Variants in FBN3 observed in about 807,000 individuals in gnomAD.
FBN3 encodes fibrillin 3, also known as fibrillin-3.
In FBN3, 234 loss-of-function variants were observed where a neutral mutation model predicts 330.1. The observed-to-expected ratio is 0.71, with a 90% CI of 0.64 to 0.79. The LOEUF (loss-of-function observed/expected upper bound fraction) is 0.79. Among genes scored for constraint, FBN3 ranks in the 30% least tolerant of loss-of-function variants. The pLI, the probability that FBN3 is intolerant of heterozygous loss-of-function variation, is 0.00. For synonymous variants in FBN3, 1,458 were observed against 1,517.3 expected (o/e 0.96, Z 0.91); for missense variants, 3,606 against 3,886.9 (o/e 0.93, Z 1.92).
chr19:8,101,980 G>A (rs2082336579), intron 40 of FBN3, among the ~76,000 whole-genome samples: 2 of 152,192 alleles, frequency 1.3e-5, no homozygotes, highest in Admixed American at 1.3e-4. Context: ...TCACGGGAGG[G>A]ACCCGGTGGG....
At chr19:8,095,687 T>G (rs763888410) in intron 45 of FBN3, among the ~76,000 whole-genome samples, 184 bp from the exon 46 acceptor site, 1 of 152,220 alleles carries the variant, frequency 6.6e-6, no homozygotes, top group Non-Finnish European at 1.5e-5. Context: ...TTTTCTAATA[T>G]AACCATGTAA....
At chr19:8,086,387 GC>G in intron 54 of FBN3, 62 bp from the exon 55 acceptor site, 1 of 1,316,158 alleles carries the variant, frequency 7.6e-7, no homozygotes. Context: ...CTCTCCCACA[GC>G]CCCAAAGGGC....
At chr19:8,083,187 G>C (rs2081847038) in intron 57 of FBN3, 60 bp downstream of exon 57, 2 of 1,601,158 alleles carry the variant, frequency 1.2e-6, no homozygotes, top group Non-Finnish European at 1.7e-6. Context: ...TTGAGTTCAG[G>C]GGCTGCACAG....
rs62126077 is a variant in FBN3 at position 8,102,706 on chromosome 19, T to C, written c.5089+18A>G. On this transcript the variant is annotated intron_variant, in intron 40 of 63. Transcript: ENST00000600128. ...AGGAGGGGCCAGGCTGGGAAGAAGGTTGGGGAGGGTTACTCACGACTGATG... is the reference window on the plus strand; with the variant it reads ...AGGAGGGGCCAGGCTGGGAAGAAGGCTGGGGAGGGTTACTCACGACTGATG... 204,847 of 1,604,104 alleles carry C rather than the reference T, an allele frequency of 0.13. 14,664 individuals are homozygous for C. The highest frequency in any genetic ancestry group is 0.26 in the East Asian group (11,608 of 44,584).
chr19:8,138,567 G>A lies in FBN3; in HGVS notation c.866-3C>T, dbSNP rs757899505. 2 of 1,602,850 alleles carry A rather than the reference G, an allele frequency of 1.2e-6. No homozygotes were observed. The highest frequency in any genetic ancestry group is 1.1e-5 in the South Asian group (1 of 89,962). Reference sequence around the variant, plus strand: ...GAAGCAGGCGCCGGCCCGGTAGTCTGCAAAAGATCAGAGGGTGAGCCCATG... The same window carrying A: ...GAAGCAGGCGCCGGCCCGGTAGTCTACAAAAGATCAGAGGGTGAGCCCATG... On this transcript the variant is annotated splice_polypyrimidine_tract_variant and splice_region_variant and intron_variant, in intron 8 of 63. Coordinates refer to ENST00000600128, the MANE Select transcript of FBN3 (RefSeq NM_032447.5).
In FBN3 at chr19:8,083,308, G is replaced by A. The variant is rs765797602; in HGVS notation, c.7152C>T (p.Gly2384=). ...CGGCCTGACAGTGGCAGCGGAAGGA[G>A]CCAAGGCTGTTGATGCACTCCCCAT... ...CAHGECINSL[G]SFRCHCQAGY... The change falls in exon 57 of 64, where the codon GGC becomes GGT. Residue 2384 remains glycine (G), a synonymous_variant. Transcript: ENST00000600128. The A allele has an allele frequency of 6.2e-7, 1 of 1,614,146 alleles. No homozygotes were observed. Among genetic ancestry groups the A allele is most frequent in the Non-Finnish European group, 8.5e-7 (1 of 1,180,018 alleles).
In FBN3 at chr19:8,111,178, C is replaced by T; in HGVS notation, c.4090G>A (p.Asp1364Asn). The change falls in exon 33 of 64, where the codon GAT (aspartate) becomes AAT (asparagine). Residue 1364 changes from aspartate to asparagine, a missense_variant. Transcript: ENST00000600128. The part of the protein sequence containing the change: ...AGDGFFCEDR[D>N]ECAENVDLCD... Reference sequence around the variant, plus strand: ...AGGTCCACGTTCTCGGCACATTCATCCCTGTCTGAGGGGCCCCAAGATTCG... The same window carrying T: ...AGGTCCACGTTCTCGGCACATTCATTCCTGTCTGAGGGGCCCCAAGATTCG... 1 of 1,597,758 alleles carries T rather than the reference C, an allele frequency of 6.3e-7. No individual in the cohort carries two copies.
intron 51 of FBN3, among the ~76,000 whole-genome samples, chr19:8,088,712 T>C (rs746780382): frequency 3.0e-4 from 46 of 151,908 alleles, no homozygotes; most frequent in Non-Finnish European, 6.0e-4. Flanking sequence ...AATAAGTGAG[T>C]GAAAGCATGA....
chr19:8,085,617 T>TG, intron 55 of FBN3, 48 bp from the exon 56 acceptor site: 1 of 1,421,654 alleles, frequency 7.0e-7, no homozygotes, highest in Non-Finnish European at 9.4e-7. Context: ...GAGGCTGGTT[T>TG]GGGGGCAAAG....
Position 8,088,073 on chromosome 19 carries a change from C to T in FBN3, c.6483G>A (p.Met2161Ile). Residue 2161 changes from methionine to isoleucine, a missense_variant, in exon 52 of 64, where the codon ATG becomes ATA. Transcript: ENST00000600128. ...GCAGAGTTGTACCCTCGCAGGTCAT[C>T]ATGAGGCCAGGCTCAAAGCCGTCAG... The part of the protein sequence containing the change: ...ACADGFEPGL[M>I]MTCEDIDECS... 1 of 1,614,122 alleles carries T rather than the reference C, an allele frequency of 6.2e-7. No individual in the cohort carries two copies. The highest frequency in any genetic ancestry group is 8.5e-7 in the Non-Finnish European group (1 of 1,180,032).
At chr19:8,133,188 C>T (rs2083191773) in intron 13 of FBN3, 82 bp from the exon 14 acceptor site, 1 of 1,452,326 alleles carries the variant, frequency 6.9e-7, no homozygotes, top group Non-Finnish European at 9.1e-7. Context: ...CCAGGGCTGA[C>T]CCCCCAGGAT....
Position 8,089,610 on chromosome 19 carries a change from T to C in FBN3, c.6311A>G (p.Asp2104Gly). 1 of 1,614,194 alleles carries C rather than the reference T, an allele frequency of 6.2e-7. No individual in the cohort carries two copies. The highest frequency in any genetic ancestry group is 2.2e-5 in the East Asian group (1 of 44,880). ...GGGACACTCACAGCGGAAGGATCCA[T>C]CGGTGTTGACACAGACGCCGTTAGT... ...VCTNGVCVNT[D>G]GSFRCECPFG... The change falls in exon 51 of 64, where the codon GAT becomes GGT. Residue 2104 changes from aspartate to glycine, a missense_variant. Physicochemically the swap from Asp to Gly is moderately conservative, Grantham distance 94 (BLOSUM62 -1). Transcript: ENST00000600128.
chr19:8,138,818 G>A lies in FBN3; in HGVS notation c.866-254C>T, dbSNP rs148737258. On this transcript the variant is annotated intron_variant, in intron 8 of 63. Coordinates refer to ENST00000600128, the MANE Select transcript of FBN3 (RefSeq NM_032447.5). ...TCCCAGCACTTTGGGAGGCTGGGGCGGGAGGATCTCTTAAGGTCAGGAGTG... is the reference window on the plus strand; with the variant it reads ...TCCCAGCACTTTGGGAGGCTGGGGCAGGAGGATCTCTTAAGGTCAGGAGTG... 1.7e-3 allele frequency among the ~76,000 whole-genome samples: 265 copies of A among 152,048 alleles called. 2 individuals are homozygous for A. Among genetic ancestry groups the A allele is most frequent in the East Asian group, 0.011 (57 of 5,172 alleles).
rs1358040822 is a variant in FBN3 at position 8,086,461 on chromosome 19, T to TATC, written c.6755-137_6755-136insGAT. The TATC allele has an allele frequency of 2.2e-4, 64 of 286,686 alleles. 1 individual carries two copies. Among genetic ancestry groups the TATC allele is most frequent in the African/African-American group, 1.5e-3 (59 of 38,264 alleles). 17.8% of individuals were successfully genotyped at this position (286,686 alleles called of 1,614,324 possible). A position where few individuals can be genotyped will look rare whatever the true frequency, so the allele number is the denominator to read the frequency against. On this transcript the variant is annotated intron_variant, in intron 54 of 63. Transcript: ENST00000600128. ...TTTTATTTATTTTTATTATTATTAT[T>TATC]ATTATTATTTTTTGAGACAGAGTCT...
chr19:8,102,034 G>A (rs557842373), intron 40 of FBN3, among the ~76,000 whole-genome samples: 9 of 152,146 alleles, frequency 5.9e-5, no homozygotes, highest in African/African-American at 1.2e-4. Flanking sequence ...TGCTATTCTC[G>A]TGATAGTGAA....
rs1402989412 is a variant in FBN3 at position 8,086,228 on chromosome 19, C to T, written c.6852G>A (p.Gln2284=). Residue 2284 remains glutamine (Q), a synonymous_variant, in exon 55 of 64, where the codon CAG becomes CAA. Transcript: ENST00000600128. ...GGCACTCGGTAAGGGTGGGGCTGGGCTGGAATCCCTCATCACAGTCGCACC... is the reference window on the plus strand; with the variant it reads ...GGCACTCGGTAAGGGTGGGGCTGGGTTGGAATCCCTCATCACAGTCGCACC... ...SFRCDCDEGF[Q]PSPTLTECHD... 1 of 1,608,264 alleles carries T rather than the reference C, an allele frequency of 6.2e-7. No homozygotes were observed. Among genetic ancestry groups the T allele is most frequent in the Non-Finnish European group, 8.5e-7 (1 of 1,176,990 alleles).
intron 55 of FBN3, 115 bp downstream of exon 55, chr19:8,086,085 A>AACAGGCAGTGGGGG: frequency 6.2e-6 from 1 of 160,022 alleles, no homozygotes; most frequent in East Asian, 1.4e-4. Context: ...AGGCAGTGGG[A>AACAGGCAGTGGGGG]GGGACAGGGA....
rs2081915849 is a variant in FBN3 at position 8,085,358 on chromosome 19, C to A, written c.7087+5G>T. ...CCTGGGGGTCCTGAGGGCATGGGCACCCACCTCGGCCCTCAGCAGTGTAGC... is the reference window on the plus strand; with the variant it reads ...CCTGGGGGTCCTGAGGGCATGGGCAACCACCTCGGCCCTCAGCAGTGTAGC... On this transcript the variant is annotated splice_donor_5th_base_variant and intron_variant, in intron 56 of 63. Transcript: ENST00000600128. 39 of 1,563,944 alleles carry A rather than the reference C, an allele frequency of 2.5e-5. No individual in the cohort carries two copies. The highest frequency in any genetic ancestry group is 3.4e-5 in the Non-Finnish European group (39 of 1,158,456).
intron 41 of FBN3, among the ~76,000 whole-genome samples, chr19:8,099,027 T>C (rs1392206144): frequency 6.6e-6 from 1 of 152,124 alleles, no homozygotes; most frequent in Admixed American, 6.6e-5. Context: ...ACCTGGCCGG[T>C]TCTTCAAGAC....
Sources: allele counts gnomAD v4.1 joint callset (sites outside exome capture counted in the v4.1 genomes callset), GRCh38; gene constraint gnomAD v4.1.1; transcripts MANE v1.5; gene names NCBI Gene and HGNC (gene_info 2026-07-23, HGNC 2026-07-21).